Variants in TMEM222 observed in about 807,000 individuals in gnomAD.
The protein encoded by TMEM222 is transmembrane protein 222.
In TMEM222, 18 loss-of-function variants were observed where a neutral mutation model predicts 25.1. That is an observed-to-expected ratio of 0.72 (90% confidence interval 0.50 to 1.06). TMEM222 has a LOEUF of 1.06. Ranked by LOEUF, TMEM222 falls within the 50% of genes least tolerant of loss-of-function variation. TMEM222 has a pLI of 0.00. For missense variants in TMEM222, 296 were observed against 293.7 expected (o/e 1.01, Z -0.06); for synonymous variants, 131 against 117.9 (o/e 1.11, Z -0.72).
rs145025412 is a variant in TMEM222 at position 27,333,871 on chromosome 1, G to A, written c.312-87G>A. The A allele has an allele frequency of 6.5e-3, 7,992 of 1,236,172 alleles. 37 individuals are homozygous for A. The highest frequency in any genetic ancestry group is 8.3e-3 in the South Asian group (602 of 72,194). The allele number at this position is 1,236,172 out of a possible 1,614,324, so 76.6% of individuals were successfully genotyped here. On this transcript the variant is annotated intron_variant, in intron 3 of 5. Transcript: ENST00000374076. ...ACATCTCAGCACCCAGCTCAGGCCC[G>A]GGCACAGGGCAGGCCTCAGAGGACG...
At chr1:27,329,752 G>A (rs536791120) in intron 1 of TMEM222, among the ~76,000 whole-genome samples, 1 of 152,340 alleles carries the variant, frequency 6.6e-6, no homozygotes, top group Admixed American at 6.5e-5. Flanking sequence ...GGGCAAAGAA[G>A]GTTCCAAAAG....
In TMEM222 at chr1:27,330,671, G is replaced by T; in HGVS notation, c.195-49G>T. ...AGGGTCCCCAGCGTCCGTCTAACTG[G>T]CTGAAAGATCCCCTAAGCTCTGTCC... On this transcript the variant is annotated intron_variant, in intron 1 of 5. Coordinates refer to ENST00000374076, the MANE Select transcript of TMEM222 (RefSeq NM_032125.3). 2.6e-6 allele frequency: 4 copies of T among 1,514,632 alleles called. No individual in the cohort carries two copies. In the South Asian group the frequency reaches 3.4e-5, roughly 13 times the overall value. 93.8% of individuals were successfully genotyped at this position (1,514,632 alleles called of 1,614,324 possible). A position where few individuals can be genotyped will look rare whatever the true frequency, so the allele number is the denominator to read the frequency against.
intron 5 of TMEM222, chr1:27,334,502 C>G: frequency 7.5e-7 from 1 of 1,331,610 alleles, no homozygotes; most frequent in Non-Finnish European, 1.0e-6. Context: ...GCAGCTCTGG[C>G]TCTTGCCTGC....
intron 5 of TMEM222, chr1:27,334,590 C>T: frequency 6.9e-7 from 1 of 1,445,622 alleles, no homozygotes; most frequent in Non-Finnish European, 9.1e-7. Context: ...GATTCCGGCT[C>T]CTCAGGGAGG....
chr1:27,335,085 G>T, intron 5 of TMEM222: 1 of 484,250 alleles, frequency 2.1e-6, no homozygotes, highest in Non-Finnish European at 3.8e-6. Flanking sequence ...GGCTATAGAT[G>T]GAGCCAGTGA....
At chr1:27,324,320 G>A (rs1176429237) in intron 1 of TMEM222, among the ~76,000 whole-genome samples, 3 of 151,922 alleles carry the variant, frequency 2.0e-5, no homozygotes, top group Non-Finnish European at 2.9e-5. Context: ...GCAAAACTCC[G>A]TTTCAAAAAA....
At chr1:27,332,595 T>G in intron 3 of TMEM222, 1 of 703,736 alleles carries the variant, frequency 1.4e-6, no homozygotes, top group Non-Finnish European at 2.6e-6. Context: ...GGACATTTGG[T>G]CTTCATCTTT....
chr1:27,322,433 A>G (rs371821141), intron 1 of TMEM222, 42 bp downstream of exon 1: 98 of 1,332,530 alleles, frequency 7.4e-5, no homozygotes, highest in Middle Eastern at 2.0e-4. Flanking sequence ...AGGAGGGCCC[A>G]GGGAGAGCCG....
At chr1:27,322,430 C>A (rs1341249981) in intron 1 of TMEM222, 39 bp downstream of exon 1, 2 of 1,335,164 alleles carry the variant, frequency 1.5e-6, no homozygotes, top group Non-Finnish European at 9.7e-7. Flanking sequence ...ACGAGGAGGG[C>A]CCAGGGAGAG....
chr1:27,334,690 G>A (rs1173177933), intron 5 of TMEM222: 3 of 1,383,738 alleles, frequency 2.2e-6, no homozygotes, highest in African/African-American at 2.9e-5. Context: ...CAGAGAGATT[G>A]AGTGAGTCGC....
Position 27,335,505 on chromosome 1 carries a change from G to A in TMEM222, c.*39G>A, listed in dbSNP as rs746481615. The A allele has an allele frequency of 2.2e-5, 35 of 1,599,902 alleles. No individual in the cohort carries two copies. The highest frequency in any genetic ancestry group is 3.3e-5 in the Admixed American group (2 of 59,944). ...GCCCCACACCCACCAGGGTCCCGAG[G>A]AAACAGCCGCCATCCCTTTTGGTTC... is the stretch of plus-strand genomic sequence containing the variant. On this transcript the variant is annotated 3_prime_UTR_variant, in exon 6 of 6. Coordinates refer to ENST00000374076, the MANE Select transcript of TMEM222 (RefSeq NM_032125.3).
chr1:27,330,652 C>T lies in TMEM222; in HGVS notation c.195-68C>T, dbSNP rs1005861088. On this transcript the variant is annotated intron_variant, in intron 1 of 5. Transcript: ENST00000374076. ...ATGCTTCTGTACTGTATGAAGGGTC[C>T]CCAGCGTCCGTCTAACTGGCTGAAA... The T allele has an allele frequency of 1.2e-5, 16 of 1,320,554 alleles. No homozygotes were observed. The African/African-American group carries it at 1.5e-4, about 12-fold the overall frequency. The allele number at this position is 1,320,554 out of a possible 1,614,324, so 81.8% of individuals were successfully genotyped here.
intron 3 of TMEM222, chr1:27,332,562 G>T (rs1481324955): frequency 1.4e-6 from 1 of 716,202 alleles, no homozygotes; most frequent in East Asian, 2.7e-5. Flanking sequence ...CAACCTTCTG[G>T]GAGCTATTGC....
intron 3 of TMEM222, chr1:27,333,516 T>G: frequency 2.2e-6 from 1 of 457,296 alleles, no homozygotes; most frequent in East Asian, 6.9e-5. Context: ...GTAGAGTCAG[T>G]GTCTGGTGAG....
At chr1:27,333,665 T>A (rs1365501436) in intron 3 of TMEM222, 1 of 448,338 alleles carries the variant, frequency 2.2e-6, no homozygotes, top group East Asian at 4.5e-5. Flanking sequence ...AGGCCCCACC[T>A]CCTCATACCA....
chr1:27,324,422 C>T (rs748407392), intron 1 of TMEM222, among the ~76,000 whole-genome samples: 19 of 152,196 alleles, frequency 1.2e-4, no homozygotes, highest in Non-Finnish European at 2.4e-4. Context: ...CTTTCTTATT[C>T]TCAAAAACAC....
At chr1:27,331,434 C>T (rs972473274) in intron 2 of TMEM222, among the ~76,000 whole-genome samples, 1 of 152,228 alleles carries the variant, frequency 6.6e-6, no homozygotes, top group African/African-American at 2.4e-5. Flanking sequence ...ACTTTCACAT[C>T]CATTACTTTA....
intron 1 of TMEM222, among the ~76,000 whole-genome samples, chr1:27,324,260 G>T (rs1348180153): frequency 6.6e-6 from 1 of 152,210 alleles, no homozygotes; most frequent in East Asian, 1.9e-4. Flanking sequence ...GGAGGTGGAG[G>T]TTGCGGTGAG....
intron 1 of TMEM222, among the ~76,000 whole-genome samples, chr1:27,327,677 C>T (rs887142169): frequency 6.6e-6 from 1 of 152,256 alleles, no homozygotes; most frequent in Admixed American, 6.5e-5. Flanking sequence ...GCGTGAGCCA[C>T]TGAGCCCAGC....
Sources: gnomAD v4.1 joint callset for allele counts (sites outside exome capture counted in the v4.1 genomes callset) on GRCh38, gnomAD v4.1.1 for gene constraint, MANE v1.5 for transcripts, NCBI Gene and HGNC (gene_info 2026-07-23, HGNC 2026-07-21) for gene names.